Variants in GLOD4 observed in about 807,000 individuals in gnomAD.
GLOD4 encodes the protein glyoxalase domain containing 4, also known as glyoxalase domain-containing protein 4.
Under a neutral mutation model 39.1 loss-of-function variants are expected in GLOD4, and 44 were observed. That is an observed-to-expected ratio of 1.13 (90% CI 0.88 to 1.45). The LOEUF (loss-of-function observed/expected upper bound fraction) is 1.45. GLOD4 is among the 40% of genes most tolerant of loss of function. The probability of loss-of-function intolerance (pLI) is 0.00; values close to 1 mark genes in which losing one functional copy is unlikely to be tolerated. For missense variants in GLOD4, 405 were observed against 366.4 expected, an observed-to-expected ratio of 1.11 and a Z score of -0.86; for synonymous variants, 145 against 135.0, an observed-to-expected ratio of 1.07 and a Z score of -0.52.
chr17:771,488 CA>C (rs1907940103), intron 4 of GLOD4, 27 bp from the exon 5 acceptor site: 1 of 1,383,172 alleles, frequency 7.2e-7, no homozygotes, highest in African/African-American at 1.5e-5. Context: ...CAGGAATAGA[CA>C]GATCAATTTA....
upstream of GLOD4, chr17:782,539 C>T: frequency 1.2e-6 from 2 of 1,613,760 alleles, no homozygotes; most frequent in Non-Finnish European, 1.7e-6. Flanking sequence ...AAGCGCGCTC[C>T]TGGGAAGCAG....
Position 769,914 on chromosome 17 carries a change from T to C in GLOD4, c.786A>G (p.Arg262=). ...CCTCTGGATCCATCTTAGAAAGTTCTCGAAATGCTTCATCCCCGACAAAGC... is the reference window on the plus strand; with the variant it reads ...CCTCTGGATCCATCTTAGAAAGTTCCCGAAATGCTTCATCCCCGACAAAGC... ...EICFVGDEAF[R]ELSKMDPEGS... is the part of the protein sequence containing the mutation. The change falls in exon 8 of 9, where the codon CGA becomes CGG. Residue 262 remains arginine (R), a synonymous_variant. Transcript: ENST00000301329. The C allele has an allele frequency of 6.2e-7, 1 of 1,611,652 alleles. No individual in the cohort carries two copies. Among genetic ancestry groups the C allele is most frequent in the Non-Finnish European group, 8.5e-7 (1 of 1,177,734 alleles).
In GLOD4 at chr17:760,074, G is replaced by A. The variant is rs552796554; in HGVS notation, c.*99C>T. On this transcript the variant is annotated 3_prime_UTR_variant, in exon 9 of 9. Transcript: ENST00000301329. ...ACTACCCAAGCCTCCTTGCCTGTAC[G>A]GGAAACAAATCAGAAGAGCATTTAT... The A allele has an allele frequency of 1.6e-5, 12 of 764,972 alleles. No homozygotes were observed. Among genetic ancestry groups the A allele is most frequent in the Admixed American group, 5.7e-5 (3 of 52,278 alleles). The allele number at this position is 764,972 out of a possible 1,614,324, so 47.4% of individuals were successfully genotyped here.
In GLOD4 at chr17:762,617, T is replaced by C. The variant is rs142841468; in HGVS notation, c.832-2379A>G. On this transcript the variant is annotated intron_variant, in intron 8 of 8. Transcript: ENST00000301329. ...AAGGGGAATAATTATTTCATCACCA[T>C]CCAGGCCCCTGCCTGCACCTACTCA... Among the ~76,000 whole-genome samples the C allele has an allele frequency of 1.7e-3, 253 of 147,304 alleles. 9 individuals are homozygous for C. The East Asian group carries it at 0.048, about 28-fold the overall frequency.
At position 776,886 on chromosome 17, in the gene GLOD4, C is replaced by G; in HGVS notation, c.243G>C (p.Lys81Asn). The G allele has an allele frequency of 6.2e-7, 1 of 1,613,474 alleles. No homozygotes were observed. The highest frequency in any genetic ancestry group is 8.5e-7 in the Non-Finnish European group (1 of 1,179,366). The change falls in exon 3 of 9, where the codon AAG (lysine) becomes AAC (asparagine). Residue 81 changes from lysine to asparagine, a missense_variant. Transcript: ENST00000301329. ...LTYNYGVGDY[K>N]LGNDFMGITL... ...TATTTACCATAAAGTCATTGCCAAG[C>G]TTGTAGTCTCCGACGCCATAATTGT... is the stretch of plus-strand genomic sequence containing the variant.
chr17:779,295 CAA>C (rs1451398788), intron 1 of GLOD4, among the ~76,000 whole-genome samples: 1 of 95,310 alleles, frequency 1.0e-5, no homozygotes, highest in Non-Finnish European at 1.9e-5. Flanking sequence ...GCCTGGGTGA[CAA>C]GAGCAAAATT....
intron 5 of GLOD4, 43 bp from the exon 6 acceptor site, chr17:770,550 T>G: frequency 1.2e-6 from 1 of 867,552 alleles, no homozygotes; most frequent in Non-Finnish European, 2.0e-6. Context: ...AGGTTATACA[T>G]TCATTACACG....
intron 4 of GLOD4, among the ~76,000 whole-genome samples, chr17:773,526 T>C (rs1021962760): frequency 6.6e-6 from 1 of 152,204 alleles, no homozygotes; most frequent in Non-Finnish European, 1.5e-5. Context: ...GTGTTTTTTT[T>C]CAGCTTCTCT....
At chr17:782,818 G>C (rs913470714), upstream of GLOD4, 4 of 1,047,458 alleles carry the variant, frequency 3.8e-6, no homozygotes, top group African/African-American at 4.8e-5. Flanking sequence ...TATGCACAGA[G>C]GGCCGAATAA....
At chr17:780,917 C>CT (rs897931602) in intron 1 of GLOD4, among the ~76,000 whole-genome samples, 6,290 of 120,820 alleles carry the variant, frequency 0.052, 377 homozygotes, top group South Asian at 0.11. Flanking sequence ...GGTGTTGAAT[C>CT]TTTTTTTTTT....
chr17:762,548 C>T (rs1005805682), intron 8 of GLOD4, among the ~76,000 whole-genome samples: 2 of 146,166 alleles, frequency 1.4e-5, no homozygotes, highest in Non-Finnish European at 3.0e-5. Flanking sequence ...CATCACCATC[C>T]AGGCCCCGGC....
At chr17:780,910 G>A (rs1292550478) in intron 1 of GLOD4, among the ~76,000 whole-genome samples, 1 of 145,106 alleles carries the variant, frequency 6.9e-6, no homozygotes, top group Non-Finnish European at 1.5e-5. Context: ...ATAATAAGGT[G>A]TTGAATCTTT....
At chr17:761,067 G>A (rs1249769019) in intron 8 of GLOD4, among the ~76,000 whole-genome samples, 1 of 152,228 alleles carries the variant, frequency 6.6e-6, no homozygotes, top group Non-Finnish European at 1.5e-5. Context: ...ACCACGCTGG[G>A]TTCAGATGTG....
intron 1 of GLOD4, among the ~76,000 whole-genome samples, chr17:780,917 C>CTTTTT (rs897931602): frequency 8.3e-6 from 1 of 120,834 alleles, no homozygotes; most frequent in African/African-American, 3.1e-5. Context: ...GGTGTTGAAT[C>CTTTTT]TTTTTTTTTT....
intron 5 of GLOD4, 175 bp from the exon 6 acceptor site, chr17:770,682 T>A: frequency 2.1e-6 from 1 of 480,830 alleles, no homozygotes; most frequent in Non-Finnish European, 3.7e-6. Context: ...CTAGAAGCAC[T>A]GCACGCATCT....
intron 8 of GLOD4, among the ~76,000 whole-genome samples, chr17:768,565 A>G (rs1907208250): frequency 7.1e-6 from 1 of 140,088 alleles, no homozygotes; most frequent in Non-Finnish European, 1.5e-5. Flanking sequence ...AGAGAGAAAC[A>G]GCGCGCACTC....
chr17:781,920 G>T, intron 1 of GLOD4: 2 of 496,648 alleles, frequency 4.0e-6, no homozygotes, highest in Non-Finnish European at 7.1e-6. Context: ...ACGTTTACGA[G>T]TGGCTTAAAT....
At position 759,531 on chromosome 17, in the gene GLOD4, A is replaced by G. The variant is rs2144235961; in HGVS notation, c.*642T>C. The G allele has an allele frequency of 6.6e-6, 1 of 152,284 alleles. No individual in the cohort carries two copies. Among genetic ancestry groups the G allele is most frequent in the African/African-American group, 2.4e-5 (1 of 41,524 alleles). 9.4% of individuals were successfully genotyped at this position (152,284 alleles called of 1,614,324 possible). On this transcript the variant is annotated 3_prime_UTR_variant, in exon 9 of 9. Coordinates refer to ENST00000301329, the MANE Select transcript of GLOD4 (RefSeq NM_016080.4). ...CGGGATTAAAAATATACACGGAAAA[A>G]AATAAAACAAAATATATACACAGAA...
At chr17:762,926 C>T (rs998841441) in intron 8 of GLOD4, among the ~76,000 whole-genome samples, 1 of 152,322 alleles carries the variant, frequency 6.6e-6, no homozygotes, top group Admixed American at 6.5e-5. Flanking sequence ...CCTGTAATCC[C>T]AACACTTTGG....
Sources: gnomAD v4.1 joint callset for allele counts (sites outside exome capture counted in the v4.1 genomes callset) on GRCh38, gnomAD v4.1.1 for gene constraint, MANE v1.5 for transcripts, NCBI Gene and HGNC (gene_info 2026-07-23, HGNC 2026-07-21) for gene names.